Variants in NFIL3 observed in about 807,000 individuals in gnomAD.
NFIL3 encodes the protein nuclear factor, interleukin 3 regulated, also known as nuclear factor interleukin-3-regulated protein.
Under a neutral mutation model 10.0 loss-of-function variants are expected in NFIL3, and 5 were observed. The observed-to-expected ratio is 0.50, with a 90% CI of 0.26 to 1.06. The LOEUF is 1.06. NFIL3 is among the 50% of genes least tolerant of loss of function. NFIL3 has a pLI of 0.13. For synonymous variants in NFIL3, 202 were observed against 206.5 expected (o/e 0.98, Z 0.19); for missense variants, 436 against 547.6 (o/e 0.80, Z 2.03).
At chr9:91,428,966 C>T in the NFIL3 span, among the ~76,000 whole-genome samples, 5 of 152,172 alleles carry the variant, frequency 3.3e-5, no homozygotes, top group African/African-American at 1.2e-4. Context: ...AGCAGCTAAT[C>T]GTGTTCATTG....
chr9:91,443,781 C>T, the NFIL3 span, among the ~76,000 whole-genome samples: 1 of 152,194 alleles, frequency 6.6e-6, no homozygotes, highest in Admixed American at 6.5e-5. Flanking sequence ...CCAGCCCCCA[C>T]CAGCTCCATG....
chr9:91,472,799 T>A, the NFIL3 span, among the ~76,000 whole-genome samples: 1 of 152,202 alleles, frequency 6.6e-6, no homozygotes, highest in African/African-American at 2.4e-5. Context: ...GTTTTTAGAA[T>A]TTTCAGCTTT....
rs773196789 is a variant in NFIL3 at position 91,410,065 on chromosome 9, C to T, written c.670G>A (p.Glu224Lys). 14 of 1,613,158 alleles carry T rather than the reference C, an allele frequency of 8.7e-6. No individual in the cohort carries two copies. Among genetic ancestry groups the T allele is most frequent in the Non-Finnish European group, 1.2e-5 (14 of 1,179,952 alleles). Reference protein sequence around the residue: ...KFQIIKQEPMELESYTREPRD... With the variant: ...KFQIIKQEPMKLESYTREPRD... ...GGCTCCCTTGTGTAGCTCTCTAATT[C>T]CATCGGCTCTTGCTTGATAATCTGG... The change falls in exon 2 of 2, where the codon GAA becomes AAA. Residue 224 changes from glutamate (E) to lysine (K), a missense_variant. Coordinates refer to ENST00000297689, the MANE Select transcript of NFIL3 (RefSeq NM_005384.3). This position sits in a 1 kb window ranked among gnomAD's most constrained non-coding sequence, Gnocchi z 5.7.
upstream of NFIL3, chr9:91,423,856 G>C (rs1027880930): frequency 1.1e-4 from 16 of 144,100 alleles, no homozygotes; most frequent in African/African-American, 4.0e-4. Context: ...CGAGCGCCGC[G>C]CTACGTCGCC....
chr9:91,460,271 CTTTTTT>C, the NFIL3 span, among the ~76,000 whole-genome samples: 8 of 70,440 alleles, frequency 1.1e-4, no homozygotes, highest in African/African-American at 3.8e-4. Flanking sequence ...GGGCTTGGTT[CTTTTTT>C]TTTTTTTTTT....
the NFIL3 span, among the ~76,000 whole-genome samples, chr9:91,468,940 G>A: frequency 6.6e-6 from 1 of 152,086 alleles, no homozygotes; most frequent in Non-Finnish European, 1.5e-5. Flanking sequence ...GGTTACTGTA[G>A]CCTTGTGTAG....
chr9:91,468,804 C>T, the NFIL3 span, among the ~76,000 whole-genome samples: 1 of 152,106 alleles, frequency 6.6e-6, no homozygotes, highest in Non-Finnish European at 1.5e-5. Flanking sequence ...AATCCTTTCC[C>T]CATTTCTTGT....
At chr9:91,459,023 T>A in the NFIL3 span, among the ~76,000 whole-genome samples, 1 of 152,138 alleles carries the variant, frequency 6.6e-6, no homozygotes, top group African/African-American at 2.4e-5. Context: ...GAAAAACTGG[T>A]CAGGACTAAG....
chr9:91,445,574 T>A, the NFIL3 span, among the ~76,000 whole-genome samples: 1 of 152,074 alleles, frequency 6.6e-6, no homozygotes, highest in Non-Finnish European at 1.5e-5. Flanking sequence ...CCACATCAGC[T>A]CAGCTCCAGA....
At chr9:91,434,748 C>T in the NFIL3 span, among the ~76,000 whole-genome samples, 5 of 152,002 alleles carry the variant, frequency 3.3e-5, no homozygotes, top group Non-Finnish European at 5.9e-5. Context: ...TAAAAGGATA[C>T]GAATAATTTT....
At chr9:91,421,866 A>C (rs1194884061) in intron 1 of NFIL3, among the ~76,000 whole-genome samples, 1 of 152,270 alleles carries the variant, frequency 6.6e-6, no homozygotes, top group Admixed American at 6.5e-5. Flanking sequence ...TATACATCCC[A>C]TCATATACAT....
chr9:91,447,024 C>T, the NFIL3 span, among the ~76,000 whole-genome samples: 8,242 of 152,154 alleles, frequency 0.054, 394 homozygotes, highest in East Asian at 0.17. Flanking sequence ...CCATGTTGGC[C>T]AAGCTGGTCT....
chr9:91,427,626 T>C, upstream of NFIL3, among the ~76,000 whole-genome samples: 1 of 106,884 alleles, frequency 9.4e-6, no homozygotes, highest in African/African-American at 4.1e-5. Context: ...GTTTTTGTTG[T>C]TGTTGTTGTT....
At chr9:91,460,444 T>C in the NFIL3 span, among the ~76,000 whole-genome samples, 4 of 151,570 alleles carry the variant, frequency 2.6e-5, no homozygotes, top group Admixed American at 2.6e-4. Context: ...CTGGCTAATT[T>C]TTCTATTGTT....
the NFIL3 span, among the ~76,000 whole-genome samples, chr9:91,434,868 A>G: frequency 6.6e-6 from 1 of 152,232 alleles, no homozygotes; most frequent in East Asian, 1.9e-4. Context: ...AATTAAGAAT[A>G]GGTGGCAGTT....
At chr9:91,476,108 A>G in the NFIL3 span, among the ~76,000 whole-genome samples, 1 of 152,196 alleles carries the variant, frequency 6.6e-6, no homozygotes, top group Non-Finnish European at 1.5e-5. Flanking sequence ...GTTAATTTCC[A>G]TGTTTGAGCA....
At chr9:91,461,579 G>C in the NFIL3 span, among the ~76,000 whole-genome samples, 1 of 152,186 alleles carries the variant, frequency 6.6e-6, no homozygotes, top group East Asian at 1.9e-4. Flanking sequence ...ACCTTGCCTT[G>C]CCTCTTCCAG....
the NFIL3 span, among the ~76,000 whole-genome samples, chr9:91,472,948 C>T: frequency 6.6e-5 from 10 of 152,190 alleles, no homozygotes; most frequent in Non-Finnish European, 1.3e-4. Context: ...AGTTTTCTTT[C>T]TAACAGTCAG....
the NFIL3 span, among the ~76,000 whole-genome samples, chr9:91,435,196 G>C: frequency 2.6e-5 from 4 of 152,118 alleles, no homozygotes; most frequent in Non-Finnish European, 4.4e-5. Context: ...TGGATATTCA[G>C]TCCTCTAAAT....
Sources: gnomAD v4.1 joint callset for allele counts (sites outside exome capture counted in the v4.1 genomes callset) on GRCh38, gnomAD v4.1.1 for gene constraint, Gnocchi (gnomAD v3.1) non-coding constraint, MANE v1.5 for transcripts, NCBI Gene and HGNC (gene_info 2026-07-23, HGNC 2026-07-21) for gene names.